The following CSGALNACT1 variants were observed in gnomAD, a reference collection of about 807,000 sequenced individuals.
CSGALNACT1 encodes chondroitin sulfate N-acetylgalactosaminyltransferase 1.
CSGALNACT1 carries 52 observed loss-of-function variants against 51.0 expected under a neutral mutation model. That is an observed-to-expected ratio of 1.02 (90% confidence interval 0.82 to 1.29). The LOEUF (loss-of-function observed/expected upper bound fraction) is 1.29, where lower values mean the gene tolerates loss of function less well. Ranked by LOEUF, CSGALNACT1 falls within the 50% of genes most tolerant of loss-of-function variation. CSGALNACT1 has a pLI of 0.00. For missense variants in CSGALNACT1, 935 were observed against 679.2 expected (o/e 1.38, Z -4.19); for synonymous variants, 341 against 254.4 (o/e 1.34, Z -3.24).
At chr8:19,460,527 T>C (rs2065131079) in intron 4 of CSGALNACT1, among the ~76,000 whole-genome samples, 1 of 152,204 alleles carries the variant, frequency 6.6e-6, no homozygotes, top group Non-Finnish European at 1.5e-5. Context: ...ATTCTATTCA[T>C]GTCTCCTTAA....
rs941323309 is a variant in CSGALNACT1 at position 19,690,424 on chromosome 8, G to GA, written c.-297+67425dup. Among the ~76,000 whole-genome samples the GA allele has an allele frequency of 3.6e-3, 549 of 150,526 alleles. 7 individuals are homozygous for GA. Among genetic ancestry groups the GA allele is most frequent in the East Asian group, 0.013 (68 of 5,128 alleles). On this transcript the variant is annotated intron_variant, in intron 1 of 1. Transcript: ENST00000517494. ...GGCCTTAACATTCTGTTTCTGCTAA[G>GA]AAAAAAAAATGACAAAAGCTACCAC... is the stretch of plus-strand genomic sequence containing the variant.
At chr8:19,577,905 G>A (rs2044644937) in intron 3 of CSGALNACT1, among the ~76,000 whole-genome samples, 1 of 152,154 alleles carries the variant, frequency 6.6e-6, no homozygotes, top group Admixed American at 6.6e-5. Context: ...CACATCACAT[G>A]AGACATCAGT....
intron 5 of CSGALNACT1, among the ~76,000 whole-genome samples, chr8:19,448,221 T>C (rs958499918): frequency 3.3e-5 from 5 of 152,222 alleles, no homozygotes; most frequent in African/African-American, 1.2e-4. Flanking sequence ...GATACCTCTC[T>C]TTATAACTCA....
chr8:19,610,645 G>A (rs150087613), intron 1 of CSGALNACT1, among the ~76,000 whole-genome samples: 264 of 152,280 alleles, frequency 1.7e-3, no homozygotes, highest in African/African-American at 5.9e-3. Flanking sequence ...GCAGTCCGAG[G>A]AAAGCCCAGG....
At chr8:19,755,692 A>G (rs1169214831) in intron 1 of CSGALNACT1, among the ~76,000 whole-genome samples, 4 of 152,222 alleles carry the variant, frequency 2.6e-5, no homozygotes, top group Non-Finnish European at 5.9e-5. Context: ...TCTCTGGAAC[A>G]GCAAAGACAC....
intron 1 of CSGALNACT1, among the ~76,000 whole-genome samples, chr8:19,756,175 G>C (rs2065359942): frequency 6.6e-6 from 1 of 151,934 alleles, no homozygotes; most frequent in South Asian, 2.1e-4. Context: ...TGACTTTCTT[G>C]TAGGAACAAT....
chr8:19,554,519 A>T (rs1473050850), intron 3 of CSGALNACT1, among the ~76,000 whole-genome samples: 1 of 152,286 alleles, frequency 6.6e-6, no homozygotes, highest in Non-Finnish European at 1.5e-5. Context: ...GAGGAACTAA[A>T]AATGCGATGC....
At chr8:19,687,226 C>G (rs1469950402), upstream of CSGALNACT1, among the ~76,000 whole-genome samples, 1 of 152,142 alleles carries the variant, frequency 6.6e-6, no homozygotes, top group Non-Finnish European at 1.5e-5. Context: ...AGTTGGTCAT[C>G]CTACCAACCT....
chr8:19,678,157 A>T (rs1365766562), intron 1 of CSGALNACT1, among the ~76,000 whole-genome samples: 1 of 152,186 alleles, frequency 6.6e-6, no homozygotes, highest in East Asian at 1.9e-4. Flanking sequence ...TCATACTGCA[A>T]ATATGTTTCC....
At chr8:19,482,266 T>C (rs2071609269) in intron 4 of CSGALNACT1, among the ~76,000 whole-genome samples, 3 of 152,378 alleles carry the variant, frequency 2.0e-5, no homozygotes, top group East Asian at 3.9e-4. Context: ...ATTGAGGACA[T>C]ACATTTTTAA....
chr8:19,549,774 T>C (rs771945106), intron 3 of CSGALNACT1, among the ~76,000 whole-genome samples: 1 of 149,138 alleles, frequency 6.7e-6, no homozygotes, highest in African/African-American at 2.5e-5. Context: ...AAAATATCCC[T>C]ATTCTACCGT....
chr8:19,541,885 C>A (rs914649493), intron 3 of CSGALNACT1, among the ~76,000 whole-genome samples: 6 of 151,818 alleles, frequency 4.0e-5, no homozygotes, highest in African/African-American at 1.5e-4. Flanking sequence ...AATAAAAATC[C>A]CTGTAGGATC....
chr8:19,482,151 G>C (rs1016237406), intron 4 of CSGALNACT1, among the ~76,000 whole-genome samples: 5 of 152,082 alleles, frequency 3.3e-5, no homozygotes, highest in African/African-American at 1.2e-4. Flanking sequence ...TTTCAGCGCT[G>C]AGCACCTAGA....
chr8:19,586,555 T>C (rs1365650232), intron 3 of CSGALNACT1, among the ~76,000 whole-genome samples: 1 of 152,102 alleles, frequency 6.6e-6, no homozygotes, highest in East Asian at 1.9e-4. Flanking sequence ...TCAGAAACTC[T>C]GGGGATGGGC....
chr8:19,598,409 T>C (rs2049448959), intron 2 of CSGALNACT1, among the ~76,000 whole-genome samples: 1 of 152,198 alleles, frequency 6.6e-6, no homozygotes. Flanking sequence ...CCTCATTCCA[T>C]TCAACGAAAA....
intron 1 of CSGALNACT1, among the ~76,000 whole-genome samples, chr8:19,748,419 A>G (rs1231576568): frequency 6.6e-6 from 1 of 152,198 alleles, no homozygotes; most frequent in Non-Finnish European, 1.5e-5. Context: ...CATTTAAAAA[A>G]CTAAGAATAG....
chr8:19,596,262 T>C (rs1156629161), intron 2 of CSGALNACT1, among the ~76,000 whole-genome samples: 1 of 152,072 alleles, frequency 6.6e-6, no homozygotes, highest in Non-Finnish European at 1.5e-5. Flanking sequence ...CATTCTGAAA[T>C]TGCATTCTTT....
At chr8:19,592,827 T>A (rs550836732) in intron 2 of CSGALNACT1, among the ~76,000 whole-genome samples, 1 of 152,164 alleles carries the variant, frequency 6.6e-6, no homozygotes, top group African/African-American at 2.4e-5. Context: ...AACAGGTCAA[T>A]CTAAGTAAAG....
At chr8:19,500,216 G>C (rs1431044221) in intron 4 of CSGALNACT1, among the ~76,000 whole-genome samples, 3 of 152,064 alleles carry the variant, frequency 2.0e-5, no homozygotes, top group African/African-American at 7.2e-5. Context: ...AAGGACCCCG[G>C]TTCTGCCACC....
Sources: allele counts gnomAD v4.1 joint callset (sites outside exome capture counted in the v4.1 genomes callset), GRCh38; gene constraint gnomAD v4.1.1; transcripts MANE v1.5; gene names NCBI Gene and HGNC (gene_info 2026-07-23, HGNC 2026-07-21).